The following TEX9 variants were observed in gnomAD, a reference collection of about 807,000 sequenced individuals.
The protein encoded by TEX9 is testis-expressed protein 9.
TEX9 carries 74 observed loss-of-function variants against 59.6 expected under a neutral mutation model. The ratio of observed to expected loss-of-function variants is 1.24; its 90% CI spans 1.03 to 1.51. The LOEUF is 1.51. TEX9 is among the 40% of genes most tolerant of loss of function. TEX9 has a pLI of 0.00. For synonymous variants in TEX9, 186 were observed against 152.2 expected (o/e 1.22, Z -1.64); for missense variants, 522 against 447.8 (o/e 1.17, Z -1.49).
rs1329053546 is a variant in TEX9 at position 56,383,825 on chromosome 15, C to T, written c.184-127C>T. On this transcript the variant is annotated intron_variant, in intron 3 of 12. Transcript: ENST00000352903. ...CTTCATACTATAGCATTTAGAATTC[C>T]GTGCCTTTATGTTATGGAAACCTTG... 25 of 588,740 alleles carry T rather than the reference C, an allele frequency of 4.2e-5. No individual in the cohort carries two copies. In the South Asian group the frequency reaches 4.8e-4, roughly 11 times the overall value. The allele number at this position is 588,740 out of a possible 1,614,324, so 36.5% of individuals were successfully genotyped here.
chr15:56,384,160 T>C, intron 4 of TEX9, 129 bp downstream of exon 4: 3 of 639,102 alleles, frequency 4.7e-6, no homozygotes, highest in South Asian at 2.6e-5. Context: ...AGGGGGCTTA[T>C]ACCAATCAGA....
chr15:56,453,549 G>C, the TEX9 span, among the ~76,000 whole-genome samples: 1 of 152,210 alleles, frequency 6.6e-6, no homozygotes, highest in East Asian at 1.9e-4. Flanking sequence ...AATGGTTTTT[G>C]CTGAACTTAA....
At chr15:56,251,921 C>T (rs1437195938) in intron 1 of TEX9, among the ~76,000 whole-genome samples, 1 of 152,050 alleles carries the variant, frequency 6.6e-6, no homozygotes, top group Non-Finnish European at 1.5e-5. Context: ...TGTTTAGGCT[C>T]CAGTGCAGCT....
intron 12 of TEX9, among the ~76,000 whole-genome samples, chr15:56,432,987 T>C (rs559157507): frequency 6.6e-6 from 1 of 152,334 alleles, no homozygotes; most frequent in South Asian, 2.1e-4. Flanking sequence ...TATAAGTATT[T>C]AGTTTTACGG....
At chr15:56,394,475 G>A in intron 8 of TEX9, 186 bp from the exon 9 acceptor site, 1 of 621,580 alleles carries the variant, frequency 1.6e-6, no homozygotes, top group Admixed American at 3.4e-5. Flanking sequence ...TCTTACAAAT[G>A]TAGTGTAAGC....
intron 10 of TEX9, among the ~76,000 whole-genome samples, chr15:56,413,289 TAA>T (rs1319719397): frequency 4.3e-3 from 3 of 698 alleles, no homozygotes; most frequent in Admixed American, 0.018. Context: ...AATAATTTAA[TAA>T]TAAATTATTT....
At chr15:56,259,962 T>G (rs1479260015) in intron 1 of TEX9, among the ~76,000 whole-genome samples, 1 of 152,142 alleles carries the variant, frequency 6.6e-6, no homozygotes, top group East Asian at 1.9e-4. Flanking sequence ...TGATCTTACA[T>G]GTCTTTTATA....
In TEX9 at chr15:56,421,141, C is replaced by G. The variant is rs2049958741; in HGVS notation, c.964-6464C>G. On this transcript the variant is annotated intron_variant, in intron 10 of 12. Transcript: ENST00000352903. ...TCTATCAATGATCAAGAGAGGGGTA[C>G]TAAACTCTGAATAGAACTGTGAGTT... Among the ~76,000 whole-genome samples, 2 of 151,866 alleles carry G rather than the reference C, an allele frequency of 1.3e-5. 1 individual carries two copies. Among genetic ancestry groups the G allele is most frequent in the Non-Finnish European group, 2.9e-5 (2 of 68,026 alleles).
chr15:56,299,967 C>G (rs1402577895), intron 1 of TEX9, among the ~76,000 whole-genome samples: 1 of 152,182 alleles, frequency 6.6e-6, no homozygotes, highest in East Asian at 1.9e-4. Flanking sequence ...AGGAGAGACT[C>G]TCTCTGCTTG....
intron 1 of TEX9, among the ~76,000 whole-genome samples, chr15:56,261,354 A>C (rs953895219): frequency 2.0e-4 from 31 of 151,682 alleles, no homozygotes; most frequent in Non-Finnish European, 4.1e-4. Context: ...ACTTTCTTCT[A>C]ATCATTGTGA....
Position 56,357,857 on chromosome 15 carries a change from C to T in TEX9, c.-106-15584C>T, listed in dbSNP as rs2141903300. Among the ~76,000 whole-genome samples the T allele has an allele frequency of 3.9e-5, 6 of 152,222 alleles. No individual in the cohort carries two copies. In the South Asian group the frequency reaches 1.2e-3, roughly 32 times the overall value. The stretch of plus-strand genomic sequence containing the variant: ...TTCTAAATAGATTTTCTCTATTTCA[C>T]AGCTGATAAAATTTTAATATCTGAA... On this transcript the variant is annotated intron_variant, in intron 1 of 5. Coordinates refer to the TEX9 transcript ENST00000560827.
intron 1 of TEX9, among the ~76,000 whole-genome samples, chr15:56,298,549 C>A (rs1465445045): frequency 2.0e-5 from 3 of 151,976 alleles, no homozygotes; most frequent in Non-Finnish European, 2.9e-5. Flanking sequence ...TACATTGGGC[C>A]CATATCATAT....
chr15:56,388,518 A>C (rs1321660079), exon 5 of TEX9: 1 of 1,611,130 alleles, frequency 6.2e-7, no homozygotes, highest in Admixed American at 1.7e-5. Flanking sequence ...TTCAGAAACT[A>C]AGGTATGAAA....
the TEX9 span, chr15:56,456,326 G>A: frequency 3.5e-6 from 5 of 1,424,058 alleles, no homozygotes; most frequent in South Asian, 4.5e-5. Context: ...TCACTTTCAG[G>A]TGCTAAGGAT....
intron 1 of TEX9, among the ~76,000 whole-genome samples, chr15:56,266,176 G>T (rs573965890): frequency 6.6e-6 from 1 of 151,766 alleles, no homozygotes; most frequent in Non-Finnish European, 1.5e-5. Context: ...TCCCAGGCTG[G>T]AGTGCAGTGG....
chr15:56,249,002 G>C (rs1356663070), intron 1 of TEX9: 1 of 152,080 alleles, frequency 6.6e-6, no homozygotes, highest in Non-Finnish European at 1.5e-5. Context: ...TGGGACCTTA[G>C]AAAGATTAAA....
At chr15:56,380,349 ACT>A (rs2047667974) in intron 3 of TEX9, among the ~76,000 whole-genome samples, 1 of 152,086 alleles carries the variant, frequency 6.6e-6, no homozygotes, top group Non-Finnish European at 1.5e-5. Context: ...ACTTGTTGTT[ACT>A]GTTTCTGTCT....
At chr15:56,334,495 T>A (rs1240466441) in intron 1 of TEX9, among the ~76,000 whole-genome samples, 4 of 152,098 alleles carry the variant, frequency 2.6e-5, no homozygotes, top group Non-Finnish European at 4.4e-5. Context: ...TCGTGCCATA[T>A]ACAAAAATCA....
At chr15:56,367,404 C>T (rs976321267) in intron 2 of TEX9, among the ~76,000 whole-genome samples, 1 of 152,178 alleles carries the variant, frequency 6.6e-6, no homozygotes, top group Admixed American at 6.5e-5. Context: ...TGGCATTGAT[C>T]ATTAGAATGC....
Sources: gnomAD v4.1 joint callset for allele counts (sites outside exome capture counted in the v4.1 genomes callset) on GRCh38, gnomAD v4.1.1 for gene constraint, MANE v1.5 for transcripts, NCBI Gene and HGNC (gene_info 2026-07-23, HGNC 2026-07-21) for gene names.